The following CDK5RAP2 variants were observed in gnomAD, a reference collection of about 807,000 sequenced individuals.
CDK5RAP2 encodes the protein CDK5 regulatory subunit-associated protein 2.
Under a neutral mutation model 232.9 loss-of-function variants are expected in CDK5RAP2, and 147 were observed. The ratio of observed to expected loss-of-function variants is 0.63; its 90% CI spans 0.55 to 0.72. CDK5RAP2 has a LOEUF of 0.72. Among genes scored for constraint, CDK5RAP2 ranks in the 30% least tolerant of loss-of-function variants. The probability of loss-of-function intolerance (pLI) is 0.00; values close to 1 mark genes in which losing one functional copy is unlikely to be tolerated. For synonymous variants in CDK5RAP2, 833 were observed against 833.7 expected (o/e 1.00, Z 0.01); for missense variants, 2,195 against 2,231.5 (o/e 0.98, Z 0.33).
At chr9:120,467,793 G>C in intron 18 of CDK5RAP2, 67 bp downstream of exon 18, 2 of 1,559,000 alleles carry the variant, frequency 1.3e-6, no homozygotes, top group South Asian at 2.2e-5. Flanking sequence ...TTACAGGCGT[G>C]AGCCACCATA....
At chr9:120,481,517 CTT>C (rs1317098813) in intron 14 of CDK5RAP2, among the ~76,000 whole-genome samples, 1 of 111,102 alleles carries the variant, frequency 9.0e-6, no homozygotes, top group Non-Finnish European at 1.9e-5. Flanking sequence ...TTTTTTTTTT[CTT>C]TTTTTTTTTT....
At chr9:120,404,336 A>T (rs2033286388) in intron 32 of CDK5RAP2, among the ~76,000 whole-genome samples, 1 of 152,244 alleles carries the variant, frequency 6.6e-6, no homozygotes, top group Non-Finnish European at 1.5e-5. Context: ...CTCTCAGCAG[A>T]AAAGTAAATA....
chr9:120,443,657 C>T lies in CDK5RAP2; in HGVS notation c.3111G>A (p.Lys1037=). 6.2e-7 allele frequency: 1 copy of T among 1,614,178 alleles called. No homozygotes were observed. The highest frequency in any genetic ancestry group is 8.5e-7 in the Non-Finnish European group (1 of 1,180,016). The part of the protein sequence containing the change: ...IKTTSSVWRD[K]EMDSDQQRSY... Reference sequence around the variant, plus strand: ...TTCTTTGCTGATCACTGTCCATTTCCTTGTCTCTCCAGACAGAAGATGTGG... The same window carrying T: ...TTCTTTGCTGATCACTGTCCATTTCTTTGTCTCTCCAGACAGAAGATGTGG... Residue 1037 remains lysine (K), a synonymous_variant, in exon 23 of 38, where the codon AAG becomes AAA. Transcript: ENST00000349780.
intron 21 of CDK5RAP2, 146 bp downstream of exon 21, chr9:120,453,310 G>T (rs2036574484): frequency 1.4e-6 from 1 of 693,358 alleles, no homozygotes; most frequent in Non-Finnish European, 2.4e-6. Flanking sequence ...TGCAGCTCTG[G>T]GTGGAGGCCA....
chr9:120,533,191 A>C (rs1024244904), intron 7 of CDK5RAP2, among the ~76,000 whole-genome samples: 1 of 151,948 alleles, frequency 6.6e-6, no homozygotes, highest in Non-Finnish European at 1.5e-5. Context: ...TTTTTTTAAC[A>C]TCTATCCCCT....
chr9:120,528,003 C>G, intron 9 of CDK5RAP2, 78 bp from the exon 10 acceptor site: 1 of 1,531,152 alleles, frequency 6.5e-7, no homozygotes. Context: ...TTTAAGAGCA[C>G]ACTCAAATGC....
intron 22 of CDK5RAP2, among the ~76,000 whole-genome samples, chr9:120,444,748 A>G: frequency 6.6e-6 from 1 of 152,232 alleles, no homozygotes; most frequent in South Asian, 2.1e-4. Flanking sequence ...AGTAAAGAAC[A>G]TGGACTTTGA....
intron 34 of CDK5RAP2, among the ~76,000 whole-genome samples, chr9:120,401,519 G>A (rs2033003710): frequency 6.6e-6 from 1 of 151,130 alleles, no homozygotes; most frequent in African/African-American, 2.4e-5. Context: ...AGCTGGGATG[G>A]GAGGATTGCT....
intron 22 of CDK5RAP2, among the ~76,000 whole-genome samples, chr9:120,444,541 G>A (rs965021698): frequency 3.9e-5 from 6 of 152,240 alleles, no homozygotes; most frequent in Non-Finnish European, 5.9e-5. Flanking sequence ...AAGATGTCTG[G>A]ATGATGGTTG....
chr9:120,571,954 G>A lies in CDK5RAP2; in HGVS notation c.127+20C>T, dbSNP rs1161163673. On this transcript the variant is annotated intron_variant, in intron 2 of 37. Coordinates refer to ENST00000349780, the MANE Select transcript of CDK5RAP2 (RefSeq NM_018249.6). ...TTCCTTGTTCTTTACTCAAGAGAAT[G>A]CCTGGTTTTGTGTACTTACGACCAT... 6.3e-7 allele frequency: 1 copy of A among 1,593,782 alleles called. No homozygotes were observed. The highest frequency in any genetic ancestry group is 1.3e-5 in the African/African-American group (1 of 74,612).
chr9:120,466,774 G>A (rs1425275908), intron 18 of CDK5RAP2, among the ~76,000 whole-genome samples: 2 of 152,166 alleles, frequency 1.3e-5, no homozygotes, highest in Non-Finnish European at 2.9e-5. Flanking sequence ...ATACCTTTGA[G>A]CATTTCCCAC....
chr9:120,409,172 TG>T lies in CDK5RAP2; in HGVS notation c.4558del (p.Gln1520SerfsTer3). On this transcript the variant is annotated frameshift_variant, in exon 30 of 38. Coordinates refer to ENST00000349780, the MANE Select transcript of CDK5RAP2 (RefSeq NM_018249.6). LOFTEE classifies it high-confidence loss of function. ...KEGSEKERHN[Q>X]QLIQEVRCSG... ...GCAGCGGACCTCCTGGATCAGCTGCTGGTTGTGTCTCTCCTTCTCGCTGCCT... is the reference window on the plus strand; with the variant it reads ...GCAGCGGACCTCCTGGATCAGCTGCTGTTGTGTCTCTCCTTCTCGCTGCCT... 6.2e-7 allele frequency: 1 copy of T among 1,613,426 alleles called. No individual in the cohort carries two copies. The highest frequency in any genetic ancestry group is 8.5e-7 in the Non-Finnish European group (1 of 1,180,028).
At position 120,439,749 on chromosome 9, in the gene CDK5RAP2, T is replaced by C. The variant is rs780385202; in HGVS notation, c.3372A>G (p.Glu1124=). 1.9e-6 allele frequency: 3 copies of C among 1,614,208 alleles called. No individual in the cohort carries two copies. The Admixed American group carries it at 5.0e-5, about 27-fold the overall frequency. ...QKIHDLETEL[E]GYQNFIFQLQ... ...GCTGAAATATGAAATTCTGGTAGCC[T>C]TCCAGCTCAGTTTCCAAGTCATGGA... is the stretch of plus-strand genomic sequence containing the variant. The change falls in exon 24 of 38, where the codon GAA becomes GAG. Residue 1124 remains glutamate, a synonymous_variant. Coordinates refer to ENST00000349780, the MANE Select transcript of CDK5RAP2 (RefSeq NM_018249.6).
At chr9:120,549,148 T>A (rs2041959726) in intron 4 of CDK5RAP2, among the ~76,000 whole-genome samples, 1 of 95,066 alleles carries the variant, frequency 1.1e-5, no homozygotes, top group South Asian at 4.3e-4. Context: ...AGACGGAGAC[T>A]CTGTCTCAAA....
chr9:120,460,748 CTTT>C, intron 18 of CDK5RAP2, 81 bp from the exon 19 acceptor site: 1 of 1,236,402 alleles, frequency 8.1e-7, no homozygotes, highest in Admixed American at 2.3e-5. Context: ...TCAGTGATGT[CTTT>C]TTTTTTTTAA....
intron 25 of CDK5RAP2, among the ~76,000 whole-genome samples, chr9:120,425,905 A>G (rs1395395777): frequency 6.6e-6 from 1 of 152,224 alleles, no homozygotes; most frequent in Non-Finnish European, 1.5e-5. Context: ...CCCAAAAGAC[A>G]ACTGCACTAC....
intron 24 of CDK5RAP2, among the ~76,000 whole-genome samples, chr9:120,438,457 TAACATGGGTA>T (rs909718928): frequency 7.2e-5 from 11 of 152,048 alleles, no homozygotes; most frequent in African/African-American, 1.9e-4. Flanking sequence ...AGTACTGGAG[TAACATGGGTA>T]AACATGGGTA....
chr9:120,567,908 A>C (rs1423607804), intron 3 of CDK5RAP2, among the ~76,000 whole-genome samples: 1 of 152,200 alleles, frequency 6.6e-6, no homozygotes, highest in African/African-American at 2.4e-5. Flanking sequence ...GGAATGATAC[A>C]AAATATCTCA....
At chr9:120,543,091 A>T (rs963785223) in intron 5 of CDK5RAP2, among the ~76,000 whole-genome samples, 31 of 152,208 alleles carry the variant, frequency 2.0e-4, no homozygotes, top group African/African-American at 7.5e-4. Context: ...GAACATTCTT[A>T]AACAGAGCTC....
Sources: allele counts gnomAD v4.1 joint callset (sites outside exome capture counted in the v4.1 genomes callset), GRCh38; gene constraint gnomAD v4.1.1; transcripts MANE v1.5; gene names NCBI Gene and HGNC (gene_info 2026-07-23, HGNC 2026-07-21).